PRRC2C: variants seen among roughly 807,000 people sequenced by gnomAD.
PRRC2C encodes the protein protein PRRC2C.
A neutral mutation model predicts 317.2 loss-of-function variants in PRRC2C; 72 were observed. That is an observed-to-expected ratio of 0.23 (90% confidence interval 0.19 to 0.28). PRRC2C has a LOEUF of 0.28. PRRC2C is among the 10% of genes least tolerant of loss of function. The pLI, the probability that PRRC2C is intolerant of heterozygous loss-of-function variation, is 1.00. For missense variants in PRRC2C, 3,074 were observed against 3,459.7 expected (o/e 0.89, Z 2.80); for synonymous variants, 1,296 against 1,205.9 (o/e 1.07, Z -1.55).
At chr1:171,512,754 AGT>A in intron 2 of PRRC2C, 1 of 371,852 alleles carries the variant, frequency 2.7e-6, no homozygotes, top group Non-Finnish European at 4.8e-6. Context: ...TGTTTTCTGT[AGT>A]GTGTTGAATT....
chr1:171,529,391 A>G (rs763431011), intron 11 of PRRC2C, among the ~76,000 whole-genome samples: 6 of 152,170 alleles, frequency 3.9e-5, no homozygotes, highest in Admixed American at 6.5e-5. Flanking sequence ...CCAAACCATA[A>G]CACACACCCC....
chr1:171,493,807 A>T (rs1667611410), intron 1 of PRRC2C, among the ~76,000 whole-genome samples: 1 of 152,218 alleles, frequency 6.6e-6, no homozygotes, highest in South Asian at 2.1e-4. Flanking sequence ...CTGTCTCAAA[A>T]AAAAAGAGAA....
rs567919729 is a variant in PRRC2C, at chr1:171,485,926, G to A, written c.-58+191G>A. Among the ~76,000 whole-genome samples the A allele has an allele frequency of 3.3e-4, 50 of 152,104 alleles. No individual in the cohort carries two copies. The South Asian group carries it at 3.3e-3, about 10-fold the overall frequency. ...ATCATCTCTGTGTCTGGGGAAGTCG[G>A]CCTCCAGCTTGGGGAGCGGGAAACC... is the stretch of plus-strand genomic sequence containing the variant. On this transcript the variant is annotated intron_variant, in intron 1 of 34. Transcript: ENST00000647382.
intron 23 of PRRC2C, among the ~76,000 whole-genome samples, chr1:171,569,245 A>G (rs983343121): frequency 4.6e-4 from 62 of 136,126 alleles, no homozygotes; most frequent in Non-Finnish European, 8.9e-4. Context: ...TCCTTTACAG[A>G]TAAATATTTA....
Position 171,591,608 on chromosome 1 carries a change from C to T in PRRC2C, c.8458C>T (p.Leu2820Phe). The change falls in exon 35 of 35, where the codon CTT becomes TTT. Residue 2820 changes from leucine to phenylalanine, a missense_variant. Leu to Phe is a conservative substitution (Grantham distance 22). Transcript: ENST00000647382. The stretch of plus-strand genomic sequence containing the variant: ...TAAGGCAAAGCAGAGAGCAGAGGTT[C>T]TTCAGTCCACGCAACGGTTCTTCTC... ...DMKAKQRAEVLQSTQRFFSEQ... is the reference protein window; with the variant it reads ...DMKAKQRAEVFQSTQRFFSEQ... 1.2e-6 allele frequency: 2 copies of T among 1,613,820 alleles called. No individual in the cohort carries two copies. Among genetic ancestry groups the T allele is most frequent in the Non-Finnish European group, 1.7e-6 (2 of 1,179,822 alleles).
Position 171,524,916 on chromosome 1 carries a change from A to T in PRRC2C, c.1151A>T (p.Gln384Leu). The T allele has an allele frequency of 6.2e-7, 1 of 1,611,756 alleles. No individual in the cohort carries two copies. Among genetic ancestry groups the T allele is most frequent in the Non-Finnish European group, 8.5e-7 (1 of 1,178,738 alleles). The change falls in exon 10 of 35, where the codon CAA becomes CTA. Residue 384 changes from glutamine (Q) to leucine (L), a missense_variant. Physicochemically the swap from Gln to Leu is moderately radical, Grantham distance 113. Coordinates refer to ENST00000647382, the MANE Select transcript of PRRC2C (RefSeq NM_001387844.1). ...AAATCATCTTCCCAAATACCTGCCC[A>T]ACCATCAGTAGCAAAAGTTCCCTAT... The part of the protein sequence containing the change: ...NTKSSSQIPA[Q>L]PSVAKVPYGK...
chr1:171,490,402 GGTACA>G (rs1439799339), intron 1 of PRRC2C, among the ~76,000 whole-genome samples: 1 of 152,150 alleles, frequency 6.6e-6, no homozygotes, highest in Non-Finnish European at 1.5e-5. Context: ...TCAGGCCACA[GGTACA>G]GTTAATGAAG....
rs547264764 is a variant in PRRC2C, at chr1:171,520,537, T to A, written c.751-1640T>A. Among the ~76,000 whole-genome samples, 16 of 152,326 alleles carry A rather than the reference T, an allele frequency of 1.1e-4. No homozygotes were observed. The East Asian group carries it at 2.9e-3, about 28-fold the overall frequency. On this transcript the variant is annotated intron_variant, in intron 6 of 34. Coordinates refer to ENST00000647382, the MANE Select transcript of PRRC2C (RefSeq NM_001387844.1). Reference sequence around the variant, plus strand: ...GAGAATTTAAAATTTGTTTCTAAAATGAATTTTCTGGCAAATTCCTAGATT... The same window carrying A: ...GAGAATTTAAAATTTGTTTCTAAAAAGAATTTTCTGGCAAATTCCTAGATT...
At chr1:171,549,333 A>C (rs1679748702) in intron 17 of PRRC2C, among the ~76,000 whole-genome samples, 1 of 152,180 alleles carries the variant, frequency 6.6e-6, no homozygotes, top group Admixed American at 6.5e-5. Flanking sequence ...CACAGCACTA[A>C]GCCAATTTAT....
intron 15 of PRRC2C, among the ~76,000 whole-genome samples, chr1:171,538,566 T>C (rs1677293916): frequency 6.6e-6 from 1 of 152,232 alleles, no homozygotes; most frequent in Non-Finnish European, 1.5e-5. Flanking sequence ...TATAATTATT[T>C]GTAATTAACT....
intron 20 of PRRC2C, among the ~76,000 whole-genome samples, chr1:171,562,974 G>A (rs1269261519): frequency 3.3e-5 from 5 of 152,158 alleles, no homozygotes; most frequent in African/African-American, 1.2e-4. Context: ...TAAAAGTCAA[G>A]TGAAAGATAA....
chr1:171,579,313 T>C, intron 26 of PRRC2C, 41 bp from the exon 27 acceptor site: 1 of 1,540,970 alleles, frequency 6.5e-7, no homozygotes, highest in South Asian at 1.2e-5. Flanking sequence ...ATTCTGAAAT[T>C]AGGACACTTA....
chr1:171,517,624 C>T lies in PRRC2C; in HGVS notation c.560C>T (p.Ala187Val). ...TGTTGGAGAGATGGTGGTAAGGCTG[C>T]TGGCTCACCTTCGTCATCTGATCAA... ...VACWRDGGKA[A>V]GSPSSSDQDE... Residue 187 changes from alanine to valine, a missense_variant, in exon 6 of 35, where the codon GCT becomes GTT. Ala to Val is a moderately conservative substitution (Grantham distance 64, BLOSUM62 0). Transcript: ENST00000647382. 1 of 1,612,776 alleles carries T rather than the reference C, an allele frequency of 6.2e-7. No homozygotes were observed. The highest frequency in any genetic ancestry group is 8.5e-7 in the Non-Finnish European group (1 of 1,179,694).
rs2102921922 is a variant in PRRC2C, at chr1:171,593,198, T to A, written c.*1351T>A. On this transcript the variant is annotated 3_prime_UTR_variant, in exon 35 of 35. Coordinates refer to ENST00000647382, the MANE Select transcript of PRRC2C (RefSeq NM_001387844.1). The stretch of plus-strand genomic sequence containing the variant: ...ATTTTATTCAGATGACTGCAGAACC[T>A]GGAAAAGCTGTTGCTGCTATTGATG... 1 of 150,432 alleles carries A rather than the reference T, an allele frequency of 6.6e-6. No individual in the cohort carries two copies. The highest frequency in any genetic ancestry group is 1.5e-5 in the Non-Finnish European group (1 of 67,646). The allele number at this position is 150,432 out of a possible 1,614,324, so 9.3% of individuals were successfully genotyped here. A position where few individuals can be genotyped will look rare whatever the true frequency, so the allele number is the denominator to read the frequency against.
At chr1:171,533,400 G>A (rs1004469392) in intron 12 of PRRC2C, among the ~76,000 whole-genome samples, 17 of 151,906 alleles carry the variant, frequency 1.1e-4, no homozygotes, top group African/African-American at 3.9e-4. Context: ...TGTTTAATCA[G>A]TTTAAACATG....
intron 15 of PRRC2C, among the ~76,000 whole-genome samples, chr1:171,538,857 T>A (rs1313884157): frequency 1.3e-5 from 2 of 151,922 alleles, no homozygotes; most frequent in East Asian, 3.9e-4. Context: ...ACTACAGGCA[T>A]GCAGTACCAT....
At chr1:171,589,867 G>A (rs1380082933) in intron 34 of PRRC2C, among the ~76,000 whole-genome samples, 1 of 147,778 alleles carries the variant, frequency 6.8e-6, no homozygotes, top group Non-Finnish European at 1.5e-5. Flanking sequence ...CTTAAACTGT[G>A]GCCAAATGAA....
chr1:171,491,109 G>A (rs942100808), intron 1 of PRRC2C, among the ~76,000 whole-genome samples: 7 of 152,066 alleles, frequency 4.6e-5, no homozygotes, highest in African/African-American at 1.2e-4. Context: ...AGAGAACCAC[G>A]AAAAGGGAAA....
intron 6 of PRRC2C, among the ~76,000 whole-genome samples, chr1:171,519,144 A>T (rs1420107275): frequency 6.6e-6 from 1 of 152,172 alleles, no homozygotes; most frequent in Non-Finnish European, 1.5e-5. Context: ...TCAGCCTCCC[A>T]AAGTGCTGGG....
Sources: allele counts gnomAD v4.1 joint callset (sites outside exome capture counted in the v4.1 genomes callset), GRCh38; gene constraint gnomAD v4.1.1; transcripts MANE v1.5; gene names NCBI Gene and HGNC (gene_info 2026-07-23, HGNC 2026-07-21).